COL20A1: variants seen among roughly 807,000 people sequenced by gnomAD.
COL20A1 encodes collagen alpha-1(XX) chain.
COL20A1 carries 164 observed loss-of-function variants against 152.9 expected under a neutral mutation model. That is an observed-to-expected ratio of 1.07 (90% CI 0.94 to 1.22). COL20A1 has a LOEUF of 1.22. Among genes scored for constraint, COL20A1 ranks in the 50% most tolerant of loss-of-function variants. The pLI is 0.00. For missense variants in COL20A1, 1,873 were observed against 1,744.8 expected (o/e 1.07, Z -1.31); for synonymous variants, 864 against 756.0 (o/e 1.14, Z -2.34).
Position 63,314,074 on chromosome 20 carries a change from C to T in COL20A1, c.2361C>T (p.Val787=). 6.2e-7 allele frequency: 1 copy of T among 1,612,810 alleles called. No homozygotes were observed. Among genetic ancestry groups the T allele is most frequent in the South Asian group, 1.1e-5 (1 of 91,074 alleles). ...PASGLGPEKS[V]SVPGARSHVT... ...CCAGGCACCCTCCCTTCTCCTAGGT[C>T]TCTGTGCCAGGAGCCAGGAGCCACG... is the stretch of plus-strand genomic sequence containing the variant. The change falls in exon 19 of 36, where the codon GTC becomes GTT. Residue 787 remains valine (V), a splice_region_variant and synonymous_variant. Coordinates refer to ENST00000358894, the MANE Select transcript of COL20A1 (RefSeq NM_020882.4).
At chr20:63,330,128 A>G (rs780477046) in intron 35 of COL20A1, among the ~76,000 whole-genome samples, 2 of 152,110 alleles carry the variant, frequency 1.3e-5, no homozygotes, top group East Asian at 1.9e-4. Flanking sequence ...GGTGGGGGCC[A>G]TAGTAGCACC....
intron 1 of COL20A1, among the ~76,000 whole-genome samples, chr20:63,293,525 G>A (rs1334779451): frequency 6.6e-6 from 1 of 152,206 alleles, no homozygotes; most frequent in Middle Eastern, 3.2e-3. Context: ...AACATCCAGG[G>A]CTGTGGGGGA....
rs566733454 is a variant in COL20A1 at position 63,319,901 on chromosome 20, G to A, written c.2917-138G>A. On this transcript the variant is annotated intron_variant, in intron 23 of 35. Coordinates refer to ENST00000358894, the MANE Select transcript of COL20A1 (RefSeq NM_020882.4). The surrounding 1 kb of genome is among the most constrained non-coding windows in gnomAD (Gnocchi z 4.4). Reference sequence around the variant, plus strand: ...AGGGGGGGTTCTCCCAGGGTCCCCCGAAACCTGAGGTGAGGTCAGGTTCCT... The same window carrying A: ...AGGGGGGGTTCTCCCAGGGTCCCCCAAAACCTGAGGTGAGGTCAGGTTCCT... The A allele has an allele frequency of 5.6e-5, 48 of 849,650 alleles. 1 individual carries two copies. The highest frequency in any genetic ancestry group is 5.5e-4 in the Admixed American group (19 of 34,600). 52.6% of individuals were successfully genotyped at this position (849,650 alleles called of 1,614,324 possible). A position where few individuals can be genotyped will look rare whatever the true frequency, so the allele number is the denominator to read the frequency against.
At chr20:63,302,142 T>C (rs1210033038) in intron 3 of COL20A1, among the ~76,000 whole-genome samples, 1 of 152,188 alleles carries the variant, frequency 6.6e-6, no homozygotes, top group Admixed American at 6.5e-5. Context: ...CTACATTCTA[T>C]ATTATCTTAA....
chr20:63,304,708 C>T (rs964110182), intron 3 of COL20A1, among the ~76,000 whole-genome samples: 1 of 151,792 alleles, frequency 6.6e-6, no homozygotes, highest in Non-Finnish European at 1.5e-5. Context: ...TGCAGGTGCG[C>T]AGGTGTGGGT....
At chr20:63,297,197 G>C (rs1037006671) in intron 2 of COL20A1, among the ~76,000 whole-genome samples, 7 of 152,206 alleles carry the variant, frequency 4.6e-5, no homozygotes, top group African/African-American at 1.7e-4. Flanking sequence ...TGGCAGCTAG[G>C]GGTCTGCAGC....
intron 3 of COL20A1, among the ~76,000 whole-genome samples, chr20:63,302,658 G>A (rs964505176): frequency 6.6e-6 from 1 of 152,164 alleles, no homozygotes; most frequent in Non-Finnish European, 1.5e-5. Context: ...GTCTGAATTG[G>A]GGTGTGAACA....
At chr20:63,316,456 C>T (rs556885902) in intron 20 of COL20A1, 97 bp from the exon 21 acceptor site, 14 of 988,190 alleles carry the variant, frequency 1.4e-5, no homozygotes, top group Admixed American at 2.9e-5. Context: ...GCACTGCAGC[C>T]CCTGGGTCCC....
intron 3 of COL20A1, among the ~76,000 whole-genome samples, chr20:63,302,192 T>A (rs912549276): frequency 6.6e-6 from 1 of 152,184 alleles, no homozygotes; most frequent in Non-Finnish European, 1.5e-5. Context: ...CTATAAATAT[T>A]TCAATATGTT....
At chr20:63,295,516 C>T (rs139902329) in intron 2 of COL20A1, among the ~76,000 whole-genome samples, 362 of 152,216 alleles carry the variant, frequency 2.4e-3, no homozygotes, top group African/African-American at 8.4e-3. Flanking sequence ...TCCCTTCCCT[C>T]CTGCCTGCTT....
chr20:63,328,780 C>G (rs2068292153), intron 34 of COL20A1, among the ~76,000 whole-genome samples: 1 of 152,182 alleles, frequency 6.6e-6, no homozygotes, highest in Non-Finnish European at 1.5e-5. Flanking sequence ...TAGGGCCACA[C>G]AGGAGAGCCC....
At chr20:63,296,578 G>A (rs527968211) in intron 2 of COL20A1, among the ~76,000 whole-genome samples, 184 of 152,348 alleles carry the variant, frequency 1.2e-3, no homozygotes, top group African/African-American at 4.2e-3. Flanking sequence ...CCCACCAGCC[G>A]CTGTCTGCCC....
rs770830591 is a variant in COL20A1 at position 63,305,463 on chromosome 20, C to G, written c.240C>G (p.Ala80=). ...TACTGACCACCAAGACCCCTAAGGC[C>G]ACAGTGGGGGGCCTGAGCCCCTCCA... ...EVILTTKTPK[A]TVGGLSPSKG... is the part of the protein sequence containing the mutation. The change falls in exon 4 of 36, where the codon GCC becomes GCG. Residue 80 remains alanine, a synonymous_variant. Coordinates refer to ENST00000358894, the MANE Select transcript of COL20A1 (RefSeq NM_020882.4). The surrounding 1 kb of genome is among the most constrained non-coding windows in gnomAD (Gnocchi z 4.9). 4.4e-6 allele frequency: 7 copies of G among 1,602,626 alleles called. No homozygotes were observed. In the East Asian group the frequency reaches 1.6e-4, roughly 36 times the overall value.
Position 63,334,212 on chromosome 20 carries a change from A to G in COL20A1, c.*3496A>G, listed in dbSNP as rs958421553. The G allele has an allele frequency of 1.3e-5, 2 of 152,228 alleles. No individual in the cohort carries two copies. Among genetic ancestry groups the G allele is most frequent in the African/African-American group, 4.8e-5 (2 of 41,444 alleles). The allele number at this position is 152,228 out of a possible 1,614,324, so 9.4% of individuals were successfully genotyped here. A position where few individuals can be genotyped will look rare whatever the true frequency, so the allele number is the denominator to read the frequency against. ...CACTGATGAAACTGGAAAAACAACCAATGATAACAAGCTAAAGAATGCCTC... is the reference window on the plus strand; with the variant it reads ...CACTGATGAAACTGGAAAAACAACCGATGATAACAAGCTAAAGAATGCCTC... On this transcript the variant is annotated 3_prime_UTR_variant, in exon 36 of 36. Transcript: ENST00000358894.
rs1412945075 is a variant in COL20A1, at chr20:63,307,769, G to C, written c.655+121G>C. ...CCAGGGCTCTCACCTTGTGGGGTGG[G>C]ACGCCTGCTCCACATGGGGTGTTCT... On this transcript the variant is annotated intron_variant, in intron 6 of 35. Transcript: ENST00000358894. 3.2e-6 allele frequency: 4 copies of C among 1,258,466 alleles called. No individual in the cohort carries two copies. The East Asian group carries it at 1.0e-4, about 31-fold the overall frequency. 78.0% of individuals were successfully genotyped at this position (1,258,466 alleles called of 1,614,324 possible).
rs964616567 is a variant in COL20A1, at chr20:63,311,928, C to T, written c.1676C>T (p.Pro559Leu). Residue 559 changes from proline (P) to leucine (L), a missense_variant, in exon 14 of 36, where the codon CCC becomes CTC. By Grantham distance (98) the Pro-to-Leu change is moderately conservative. Coordinates refer to ENST00000358894, the MANE Select transcript of COL20A1 (RefSeq NM_020882.4). This position sits in a 1 kb window ranked among gnomAD's most constrained non-coding sequence, Gnocchi z 4.4. ...GIRARTPTLA[P>L]PRHLGFSDVS... ...CTGTGCTTTGCAGCCACCCTGGCCC[C>T]CCCGAGACACCTGGGCTTCTCAGAC... The T allele has an allele frequency of 6.4e-7, 1 of 1,561,868 alleles. No individual in the cohort carries two copies. The highest frequency in any genetic ancestry group is 1.2e-5 in the South Asian group (1 of 85,122).
At chr20:63,325,536 G>A in intron 28 of COL20A1, 42 bp downstream of exon 28, 3 of 1,589,750 alleles carry the variant, frequency 1.9e-6, no homozygotes, top group Non-Finnish European at 1.7e-6. Flanking sequence ...GTTGGTGGGG[G>A]TGGGGGAAGG....
chr20:63,324,062 C>G (rs533682091), intron 27 of COL20A1, among the ~76,000 whole-genome samples: 47 of 152,334 alleles, frequency 3.1e-4, no homozygotes, highest in African/African-American at 1.1e-3. Context: ...CCTACAGACC[C>G]ACTCGGTTCT....
intron 19 of COL20A1, 109 bp from the exon 20 acceptor site, chr20:63,315,295 T>C: frequency 9.1e-7 from 1 of 1,095,482 alleles, no homozygotes; most frequent in Non-Finnish European, 1.3e-6. Context: ...CCTATACAGA[T>C]GGAGCACAGG....
Sources: gnomAD v4.1 joint callset for allele counts (sites outside exome capture counted in the v4.1 genomes callset) on GRCh38, gnomAD v4.1.1 for gene constraint, Gnocchi (gnomAD v3.1) non-coding constraint, MANE v1.5 for transcripts, NCBI Gene and HGNC (gene_info 2026-07-23, HGNC 2026-07-21) for gene names.